Variants in RORA observed in about 807,000 individuals in gnomAD.
RORA encodes the protein RAR related orphan receptor A, also known as nuclear receptor ROR-alpha.
Under a neutral mutation model 69.5 loss-of-function variants are expected in RORA, and 7 were observed. The ratio of observed to expected loss-of-function variants is 0.10; its 90% confidence interval spans 0.06 to 0.19. RORA has a LOEUF of 0.19. RORA is among the 10% of genes least tolerant of loss of function. RORA has a pLI of 1.00. For synonymous variants in RORA, 261 were observed against 240.8 expected (o/e 1.08, Z -0.78); for missense variants, 457 against 663.0 (o/e 0.69, Z 3.41).
At chr15:60,842,963 G>A (rs146238108) in intron 1 of RORA, among the ~76,000 whole-genome samples, 37 of 152,076 alleles carry the variant, frequency 2.4e-4, no homozygotes, top group African/African-American at 8.0e-4. Flanking sequence ...TGAAACGTGG[G>A]CTCTTTCTCT....
chr15:61,203,754 T>C (rs1425043589), intron 1 of RORA, among the ~76,000 whole-genome samples: 1 of 152,190 alleles, frequency 6.6e-6, no homozygotes, highest in Non-Finnish European at 1.5e-5. Flanking sequence ...AAACATATCA[T>C]AGTGACCCTG....
chr15:61,199,808 C>T (rs939909681), intron 1 of RORA, among the ~76,000 whole-genome samples: 2 of 152,168 alleles, frequency 1.3e-5, no homozygotes, highest in African/African-American at 2.4e-5. Flanking sequence ...AACAGGCTGA[C>T]AATGGCATAT....
At chr15:60,892,164 A>G (rs989147831) in intron 1 of RORA, among the ~76,000 whole-genome samples, 6 of 152,180 alleles carry the variant, frequency 3.9e-5, no homozygotes, top group African/African-American at 9.6e-5. Context: ...TGAGGCCAAC[A>G]TCTTCATTAG....
chr15:60,798,458 T>G (rs956122683), intron 1 of RORA, among the ~76,000 whole-genome samples: 4 of 152,098 alleles, frequency 2.6e-5, no homozygotes, highest in African/African-American at 9.7e-5. Flanking sequence ...ACTCTTATTT[T>G]AGAAATAACA....
chr15:61,181,628 T>C (rs1038754766), intron 1 of RORA, among the ~76,000 whole-genome samples: 2 of 147,498 alleles, frequency 1.4e-5, no homozygotes, highest in Non-Finnish European at 3.0e-5. Flanking sequence ...AGAACAAGCA[T>C]TGTCATTAGC....
intron 2 of RORA, among the ~76,000 whole-genome samples, chr15:60,630,944 T>C (rs1417327774): frequency 7.4e-6 from 1 of 134,354 alleles, no homozygotes; most frequent in Non-Finnish European, 1.5e-5. Context: ...TGGAGTACAG[T>C]GGCACAATCT....
At chr15:60,890,024 G>A (rs544765364) in intron 1 of RORA, among the ~76,000 whole-genome samples, 39 of 152,236 alleles carry the variant, frequency 2.6e-4, no homozygotes, top group Non-Finnish European at 4.7e-4. Flanking sequence ...ATGTACTCTG[G>A]AAGGTTCCCT....
chr15:60,886,354 C>T (rs2073750127), intron 1 of RORA, among the ~76,000 whole-genome samples: 3 of 152,140 alleles, frequency 2.0e-5, no homozygotes, highest in Admixed American at 6.5e-5. Flanking sequence ...GATATGTTTC[C>T]CATCTCCCGG....
chr15:61,219,298 G>A (rs1379919114), intron 1 of RORA, among the ~76,000 whole-genome samples: 1 of 152,216 alleles, frequency 6.6e-6, no homozygotes, highest in African/African-American at 2.4e-5. Context: ...CATTAGGCTG[G>A]GTGTGGTGGC....
chr15:60,814,741 A>G (rs7165493), intron 1 of RORA, among the ~76,000 whole-genome samples: 10,967 of 152,154 alleles, frequency 0.072, 547 homozygotes, highest in Admixed American at 0.13. Context: ...ATTTTCAACC[A>G]GTGCTGTGAT....
At chr15:60,956,307 T>G (rs937363188) in intron 1 of RORA, among the ~76,000 whole-genome samples, 2 of 152,238 alleles carry the variant, frequency 1.3e-5, no homozygotes, top group Non-Finnish European at 2.9e-5. Flanking sequence ...ATATTCTTCA[T>G]GTATTACCAT....
At chr15:60,600,783 T>C (rs2068792041) in intron 2 of RORA, among the ~76,000 whole-genome samples, 1 of 152,106 alleles carries the variant, frequency 6.6e-6, no homozygotes, top group African/African-American at 2.4e-5. Flanking sequence ...TCCTCAAAAA[T>C]AATTTTGTGA....
rs555266921 is a variant in RORA, at chr15:60,619,856, G to A, written c.196+58801C>T. Among the ~76,000 whole-genome samples, 91 of 152,352 alleles carry A rather than the reference G, an allele frequency of 6.0e-4. No individual in the cohort carries two copies. In the Middle Eastern group the frequency reaches 0.014, roughly 23 times the overall value. ...TTGTTTGAGGCACTTTCTGCAGAAGGTGTACCGCATCTTTGCCTGCTTTTG... is the reference window on the plus strand; with the variant it reads ...TTGTTTGAGGCACTTTCTGCAGAAGATGTACCGCATCTTTGCCTGCTTTTG... On this transcript the variant is annotated intron_variant, in intron 2 of 10. Coordinates refer to ENST00000335670, the MANE Select transcript of RORA (RefSeq NM_134261.3).
At chr15:61,082,371 C>A (rs2078557780) in intron 1 of RORA, among the ~76,000 whole-genome samples, 1 of 152,168 alleles carries the variant, frequency 6.6e-6, no homozygotes, top group Admixed American at 6.5e-5. Context: ...CACATGTAAT[C>A]CCAGTGACTC....
chr15:60,912,060 G>A (rs1327812002), intron 1 of RORA, among the ~76,000 whole-genome samples: 1 of 152,054 alleles, frequency 6.6e-6, no homozygotes, highest in Non-Finnish European at 1.5e-5. Context: ...GGCACAACAG[G>A]CATATTAGAA....
chr15:60,520,726 TA>T (rs954144090), intron 3 of RORA, among the ~76,000 whole-genome samples: 6 of 150,824 alleles, frequency 4.0e-5, no homozygotes, highest in South Asian at 2.1e-4. Context: ...TGAGGAGGCG[TA>T]AAAAAAAAGT....
chr15:60,526,919 G>T (rs1007815562), intron 3 of RORA, among the ~76,000 whole-genome samples: 1 of 152,292 alleles, frequency 6.6e-6, no homozygotes, highest in Admixed American at 6.5e-5. Flanking sequence ...GTGGGGGAAG[G>T]TGTCACTTAT....
intron 1 of RORA, among the ~76,000 whole-genome samples, chr15:61,088,855 C>T (rs2078663078): frequency 6.6e-6 from 1 of 152,178 alleles, no homozygotes; most frequent in Non-Finnish European, 1.5e-5. Context: ...AAAAGAGGAA[C>T]TGAAAAGCAC....
intron 1 of RORA, among the ~76,000 whole-genome samples, chr15:60,933,590 T>A (rs1892435232): frequency 1.3e-5 from 2 of 152,084 alleles, no homozygotes; most frequent in African/African-American, 4.8e-5. Flanking sequence ...GTGGATGACT[T>A]CTCTCTCCTC....
Sources: allele counts gnomAD v4.1 joint callset (sites outside exome capture counted in the v4.1 genomes callset), GRCh38; gene constraint gnomAD v4.1.1; transcripts MANE v1.5; gene names NCBI Gene and HGNC (gene_info 2026-07-23, HGNC 2026-07-21).